The following LRRC4C variants were observed in gnomAD, a reference collection of about 807,000 sequenced individuals.
LRRC4C encodes the protein leucine rich repeat containing 4C.
A neutral mutation model predicts 33.6 loss-of-function variants in LRRC4C; 5 were observed. That is an observed-to-expected ratio of 0.15 (90% CI 0.08 to 0.31). The LOEUF is 0.31. LRRC4C is among the 10% of genes least tolerant of loss of function. The pLI is 1.00. For missense variants in LRRC4C, 560 were observed against 796.7 expected (o/e 0.70, Z 3.58); for synonymous variants, 329 against 302.0 (o/e 1.09, Z -0.93).
At chr11:41,269,275 TTTA>T (rs1591113350) in intron 1 of LRRC4C, among the ~76,000 whole-genome samples, 1 of 138,404 alleles carries the variant, frequency 7.2e-6, no homozygotes, top group Admixed American at 6.9e-5. Flanking sequence ...TTGGGCTCCT[TTTA>T]TTATTATTTA....
chr11:41,170,996 T>G (rs1163569554), intron 1 of LRRC4C, among the ~76,000 whole-genome samples: 1 of 151,724 alleles, frequency 6.6e-6, no homozygotes, highest in Non-Finnish European at 1.5e-5. Context: ...AAAAAACACA[T>G]GAAAAAATGC....
At chr11:40,701,250 C>T (rs958166435) in intron 2 of LRRC4C, among the ~76,000 whole-genome samples, 3 of 151,994 alleles carry the variant, frequency 2.0e-5, no homozygotes, top group Admixed American at 6.6e-5. Flanking sequence ...GTTTCCTTTC[C>T]GAACCACAGT....
At chr11:40,988,995 C>T (rs1853304333) in intron 1 of LRRC4C, among the ~76,000 whole-genome samples, 1 of 152,078 alleles carries the variant, frequency 6.6e-6, no homozygotes, top group African/African-American at 2.4e-5. Flanking sequence ...GCTAGGATTA[C>T]AGGCGTGAGC....
chr11:40,121,931 A>G (rs988265564), intron 6 of LRRC4C, among the ~76,000 whole-genome samples: 1 of 152,156 alleles, frequency 6.6e-6, no homozygotes, highest in African/African-American at 2.4e-5. Flanking sequence ...CCTGGACCCT[A>G]AGATTCCAAA....
chr11:40,814,434 A>T (rs576886769), intron 2 of LRRC4C, among the ~76,000 whole-genome samples: 1 of 151,862 alleles, frequency 6.6e-6, no homozygotes, highest in Non-Finnish European at 1.5e-5. Context: ...CCTGGACTTG[A>T]CCCATGAAAC....
rs568104741 is a variant in LRRC4C at position 40,118,839 on chromosome 11, G to C, written c.-42-2505C>G. ...GGCAACATGTTTTGTTTTTAGAAAA[G>C]AATGCTATCATCAGCTTTGTTTTGA... On this transcript the variant is annotated intron_variant, in intron 6 of 6. Transcript: ENST00000528697. Among the ~76,000 whole-genome samples the C allele has an allele frequency of 2.8e-4, 42 of 152,256 alleles. 1 individual carries two copies. The South Asian group carries it at 7.5e-3, about 27-fold the overall frequency.
rs571104659 is a variant in LRRC4C, at chr11:40,219,229, T to A, written c.-96+22290A>T. On this transcript the variant is annotated intron_variant, in intron 5 of 6. Coordinates refer to ENST00000528697, the MANE Select transcript of LRRC4C (RefSeq NM_001258419.2). ...TTAGTCACACTCGGTTTATTTCAAG[T>A]ATTCAATGGTCACCTGTAGCCAGTG... 5.3e-5 allele frequency among the ~76,000 whole-genome samples: 8 copies of A among 152,320 alleles called. No individual in the cohort carries two copies. The South Asian group carries it at 1.7e-3, about 32-fold the overall frequency.
At chr11:40,364,955 T>C (rs952485776) in intron 3 of LRRC4C, among the ~76,000 whole-genome samples, 18 of 151,896 alleles carry the variant, frequency 1.2e-4, no homozygotes, top group Non-Finnish European at 1.3e-4. Context: ...ATCCTATATT[T>C]AGCAAAAATA....
At chr11:40,568,787 C>A (rs1008053077) in intron 3 of LRRC4C, among the ~76,000 whole-genome samples, 2 of 152,048 alleles carry the variant, frequency 1.3e-5, no homozygotes, top group African/African-American at 4.8e-5. Flanking sequence ...TCAACTATGG[C>A]AAGTTGTCAT....
intron 3 of LRRC4C, among the ~76,000 whole-genome samples, chr11:40,502,187 G>C (rs1954810698): frequency 6.6e-6 from 1 of 152,156 alleles, no homozygotes. Context: ...TCAGCATTTT[G>C]GTCAAAGCCA....
At chr11:40,737,378 G>A (rs887177452) in intron 2 of LRRC4C, among the ~76,000 whole-genome samples, 2 of 151,912 alleles carry the variant, frequency 1.3e-5, no homozygotes, top group Non-Finnish European at 2.9e-5. Context: ...AGGGCAATTA[G>A]GCAAGAGAAA....
chr11:40,148,702 A>T (rs752992353), intron 5 of LRRC4C, among the ~76,000 whole-genome samples: 1 of 152,038 alleles, frequency 6.6e-6, no homozygotes, highest in Non-Finnish European at 1.5e-5. Context: ...CCTATTTGTC[A>T]ATCTTTGCTT....
At chr11:40,564,731 A>G (rs1245195664) in intron 3 of LRRC4C, among the ~76,000 whole-genome samples, 2 of 152,304 alleles carry the variant, frequency 1.3e-5, no homozygotes, top group East Asian at 1.9e-4. Context: ...TAAAGAGGGA[A>G]TACTTTTTTT....
intron 3 of LRRC4C, among the ~76,000 whole-genome samples, chr11:40,383,641 C>CATTT (rs1310869720): frequency 6.6e-6 from 1 of 151,966 alleles, no homozygotes; most frequent in African/African-American, 2.4e-5. Context: ...ATGTGTTGGC[C>CATTT]ATTTGTATAC....
At chr11:40,877,737 T>G (rs1189059233) in intron 2 of LRRC4C, among the ~76,000 whole-genome samples, 1 of 152,204 alleles carries the variant, frequency 6.6e-6, no homozygotes, top group Non-Finnish European at 1.5e-5. Context: ...CCTTCAATAT[T>G]GCTTCTGTTC....
chr11:40,739,029 ATGTGTG>A (rs746979119), intron 2 of LRRC4C, among the ~76,000 whole-genome samples: 58,300 of 137,072 alleles, frequency 0.43, 11,766 homozygotes, highest in Middle Eastern at 0.51. Context: ...GTGTGTGTGT[ATGTGTG>A]TGTGTGTGTG....
intron 1 of LRRC4C, among the ~76,000 whole-genome samples, chr11:41,269,530 A>C: frequency 6.6e-6 from 1 of 152,118 alleles, no homozygotes; most frequent in Admixed American, 6.6e-5. Context: ...AGCTCAAGTC[A>C]GAATGTCAGC....
chr11:40,363,388 C>T (rs766973435), intron 3 of LRRC4C, among the ~76,000 whole-genome samples: 1 of 152,048 alleles, frequency 6.6e-6, no homozygotes, highest in Non-Finnish European at 1.5e-5. Context: ...AGGGGAACAA[C>T]ACACACTGGG....
chr11:41,222,944 C>T (rs1260680365), intron 1 of LRRC4C: 1 of 147,268 alleles, frequency 6.8e-6, no homozygotes, highest in Non-Finnish European at 1.5e-5. Context: ...ATTATTAATT[C>T]TCTTTGAGCC....
Sources: allele counts gnomAD v4.1 joint callset (sites outside exome capture counted in the v4.1 genomes callset), GRCh38; gene constraint gnomAD v4.1.1; transcripts MANE v1.5; gene names NCBI Gene and HGNC (gene_info 2026-07-23, HGNC 2026-07-21).